ATE1: variants seen among roughly 807,000 people sequenced by gnomAD.
ATE1 encodes arginyltransferase 1, also known as arginyl-tRNA--protein transferase 1.
In ATE1, 36 loss-of-function variants were observed where a neutral mutation model predicts 70.5. That is an observed-to-expected ratio of 0.51 (90% CI 0.39 to 0.67). The LOEUF is 0.67. Ranked by LOEUF, ATE1 falls within the 30% of genes least tolerant of loss-of-function variation. The pLI is 0.00. For missense variants in ATE1, 593 were observed against 629.5 expected, an observed-to-expected ratio of 0.94 and a Z score of 0.62; for synonymous variants, 232 against 219.3, an observed-to-expected ratio of 1.06 and a Z score of -0.51.
chr10:121,899,084 T>G (rs1044655565), intron 7 of ATE1: 5 of 1,258,378 alleles, frequency 4.0e-6, no homozygotes, highest in Admixed American at 2.6e-5. Flanking sequence ...CGAACTCGAA[T>G]TTGTCATGAA....
chr10:121,740,714 T>A lies in ATE1; in HGVS notation c.*2966A>T, dbSNP rs1944123481. On this transcript the variant is annotated 3_prime_UTR_variant, in exon 12 of 12. Transcript: ENST00000224652. ...ATATAAAGCCTATAAAATCAAAGCA[T>A]ATACTGTTCAGAAATCTGGAAAGGT... 1 of 152,228 alleles carries A rather than the reference T, an allele frequency of 6.6e-6. No homozygotes were observed. The highest frequency in any genetic ancestry group is 1.5e-5 in the Non-Finnish European group (1 of 68,038). 9.4% of individuals were successfully genotyped at this position (152,228 alleles called of 1,614,324 possible).
chr10:121,790,948 A>G (rs201571255), intron 10 of ATE1, among the ~76,000 whole-genome samples: 51 of 135,368 alleles, frequency 3.8e-4, no homozygotes, highest in African/African-American at 1.2e-3. Context: ...GTACATATAT[A>G]TGTGTATATA....
intron 10 of ATE1, among the ~76,000 whole-genome samples, chr10:121,801,931 TAAA>T (rs60193561): frequency 1.4e-5 from 2 of 138,006 alleles, no homozygotes. Flanking sequence ...TTTTTAAAGT[TAAA>T]AAAAAAAAAA....
chr10:121,908,486 A>G (rs566300402), intron 5 of ATE1, among the ~76,000 whole-genome samples: 160 of 152,314 alleles, frequency 1.1e-3, no homozygotes, highest in African/African-American at 3.5e-3. Context: ...CGTAGGCGAC[A>G]GAGTGAGATT....
chr10:121,841,210 C>T lies in ATE1; in HGVS notation c.1029G>A (p.Gln343=). Residue 343 remains glutamine, a synonymous_variant, in exon 9 of 12, where the codon CAG becomes CAA. Coordinates refer to ENST00000224652, the MANE Select transcript of ATE1 (RefSeq NM_001001976.3). ...CAATGATCTTTCCGTCAAGCCAGTACTGCTGGTGAAAGGAGCCATAGCCAC... is the reference window on the plus strand; with the variant it reads ...CAATGATCTTTCCGTCAAGCCAGTATTGCTGGTGAAAGGAGCCATAGCCAC... ...PDCGYGSFHQ[Q]YWLDGKIIAV... 4 of 1,576,468 alleles carry T rather than the reference C, an allele frequency of 2.5e-6. No individual in the cohort carries two copies. The highest frequency in any genetic ancestry group is 3.5e-6 in the Non-Finnish European group (4 of 1,157,316).
chr10:121,756,469 C>T (rs1466956656), intron 11 of ATE1, among the ~76,000 whole-genome samples: 5 of 152,212 alleles, frequency 3.3e-5, no homozygotes, highest in African/African-American at 1.2e-4. Context: ...TGTGGGAGGG[C>T]TCCAATGCCA....
At chr10:121,869,036 A>G (rs921891222) in intron 8 of ATE1, among the ~76,000 whole-genome samples, 2 of 152,266 alleles carry the variant, frequency 1.3e-5, no homozygotes, top group Non-Finnish European at 2.9e-5. Flanking sequence ...CAATAGGCAC[A>G]AAGGGAAGGA....
At chr10:121,910,155 C>A (rs920442482) in intron 5 of ATE1, among the ~76,000 whole-genome samples, 1 of 152,042 alleles carries the variant, frequency 6.6e-6, no homozygotes, top group African/African-American at 2.4e-5. Context: ...AATAAAATTG[C>A]AAATGGAGAA....
In ATE1 at chr10:121,740,443, A is replaced by G. The variant is rs1944116950; in HGVS notation, c.*3237T>C. Reference sequence around the variant, plus strand: ...AGCCACTGCAGATAGAAACAGCTTTATTTTTTCCATTCAGGCTTTATCAAA... The same window carrying G: ...AGCCACTGCAGATAGAAACAGCTTTGTTTTTTCCATTCAGGCTTTATCAAA... On this transcript the variant is annotated 3_prime_UTR_variant, in exon 12 of 12. Transcript: ENST00000224652. The G allele has an allele frequency of 6.6e-6, 1 of 152,070 alleles. No individual in the cohort carries two copies. Among genetic ancestry groups the G allele is most frequent in the African/African-American group, 2.4e-5 (1 of 41,410 alleles). The allele number at this position is 152,070 out of a possible 1,614,324, so 9.4% of individuals were successfully genotyped here. A position where few individuals can be genotyped will look rare whatever the true frequency, so the allele number is the denominator to read the frequency against.
intron 11 of ATE1, among the ~76,000 whole-genome samples, chr10:121,768,358 G>A (rs1945361618): frequency 6.6e-6 from 1 of 151,908 alleles, no homozygotes; most frequent in African/African-American, 2.4e-5. Context: ...ATTTATAGTT[G>A]TTTAAAAAAA....
At chr10:121,830,253 G>C (rs535951209) in intron 10 of ATE1, among the ~76,000 whole-genome samples, 1 of 152,292 alleles carries the variant, frequency 6.6e-6, no homozygotes, top group African/African-American at 2.4e-5. Flanking sequence ...GGGCCTAGTG[G>C]GAAGTGTTTG....
chr10:121,746,174 C>T (rs1233740067), intron 11 of ATE1, among the ~76,000 whole-genome samples: 2 of 152,196 alleles, frequency 1.3e-5, no homozygotes, highest in African/African-American at 4.8e-5. Context: ...TCTAGTTCTC[C>T]TCCATCTTTC....
In ATE1 at chr10:121,756,245, C is replaced by A. The variant is rs535641541; in HGVS notation, c.1379-12387G>T. On this transcript the variant is annotated intron_variant, in intron 11 of 11. Coordinates refer to ENST00000224652, the MANE Select transcript of ATE1 (RefSeq NM_001001976.3). ...GCCTCGCATCCGGGTCACTCTGATA[C>A]AAGAGGTGGGTTCCCATGGTCTTGG... Among the ~76,000 whole-genome samples the A allele has an allele frequency of 2.6e-5, 4 of 152,364 alleles. No homozygotes were observed. In the South Asian group the frequency reaches 8.3e-4, roughly 32 times the overall value.
chr10:121,772,588 T>C (rs1050393833), intron 11 of ATE1, among the ~76,000 whole-genome samples: 2 of 152,162 alleles, frequency 1.3e-5, no homozygotes, highest in Non-Finnish European at 2.9e-5. Context: ...AAGTAGTCTG[T>C]GTTTGCTTCT....
At chr10:121,869,637 G>C (rs1357858050) in intron 8 of ATE1, among the ~76,000 whole-genome samples, 1 of 152,066 alleles carries the variant, frequency 6.6e-6, no homozygotes, top group Non-Finnish European at 1.5e-5. Flanking sequence ...GATTTTTCCA[G>C]CTCTCTTTTA....
At position 121,841,249 on chromosome 10, in the gene ATE1, A is replaced by AG; in HGVS notation, c.989dup (p.Asn331Ter). 1 of 1,515,116 alleles carries AG rather than the reference A, an allele frequency of 6.6e-7. No homozygotes were observed. The highest frequency in any genetic ancestry group is 8.9e-7 in the Non-Finnish European group (1 of 1,123,984). The allele number at this position is 1,515,116 out of a possible 1,614,324, so 93.9% of individuals were successfully genotyped here. On this transcript the variant is annotated frameshift_variant, in exon 9 of 12. Transcript: ENST00000224652. LOFTEE classifies it high-confidence loss of function. ...AGCCATAGCCACAATCTGGCCCATT[A>AG]GGGGGAGTCTCTGCCTAAGAAAAAG...
chr10:121,841,027 T>C, intron 9 of ATE1, 55 bp downstream of exon 9: 16 of 1,309,402 alleles, frequency 1.2e-5, no homozygotes, highest in Non-Finnish European at 1.6e-5. Flanking sequence ...ATCAAATGAG[T>C]AATTATTTGA....
chr10:121,854,834 T>A (rs931333444), intron 8 of ATE1, among the ~76,000 whole-genome samples: 2 of 152,082 alleles, frequency 1.3e-5, no homozygotes, highest in Admixed American at 1.3e-4. Flanking sequence ...CAAGGCCCAA[T>A]ACAGAAGCCT....
chr10:121,830,061 A>C (rs1426595371), intron 10 of ATE1, among the ~76,000 whole-genome samples: 1 of 152,190 alleles, frequency 6.6e-6, no homozygotes, highest in African/African-American at 2.4e-5. Context: ...CCTATCTTAC[A>C]ATTTTGAACA....
Sources: allele counts gnomAD v4.1 joint callset (sites outside exome capture counted in the v4.1 genomes callset), GRCh38; gene constraint gnomAD v4.1.1; transcripts MANE v1.5; gene names NCBI Gene and HGNC (gene_info 2026-07-23, HGNC 2026-07-21).